Variants in TMEM244 observed in about 807,000 individuals in gnomAD.
TMEM244 encodes transmembrane protein 244.
Under a neutral mutation model 15.8 loss-of-function variants are expected in TMEM244, and 13 were observed. The observed-to-expected ratio is 0.82, with a 90% CI of 0.53 to 1.30. The LOEUF (loss-of-function observed/expected upper bound fraction) is 1.30. Ranked by LOEUF, TMEM244 falls within the 50% of genes most tolerant of loss-of-function variation. TMEM244 has a pLI of 0.00. For missense variants in TMEM244, 161 were observed against 144.9 expected (o/e 1.11, Z -0.57); for synonymous variants, 45 against 48.7 (o/e 0.92, Z 0.32).
Position 129,831,280 on chromosome 6 carries a change from A to G in TMEM244, c.*39T>C. 1 of 1,102,224 alleles carries G rather than the reference A, an allele frequency of 9.1e-7. No homozygotes were observed. The highest frequency in any genetic ancestry group is 1.4e-6 in the Non-Finnish European group (1 of 727,124). 68.3% of individuals were successfully genotyped at this position (1,102,224 alleles called of 1,614,324 possible). On this transcript the variant is annotated 3_prime_UTR_variant, in exon 5 of 5. Transcript: ENST00000368143. ...ATGAGAAAATAAAATATATTTCCACAGTTATTCTATTTAACATTATTTCTG... is the reference window on the plus strand; with the variant it reads ...ATGAGAAAATAAAATATATTTCCACGGTTATTCTATTTAACATTATTTCTG...
At chr6:129,842,129 A>T (rs936537016) in intron 3 of TMEM244, among the ~76,000 whole-genome samples, 3 of 152,184 alleles carry the variant, frequency 2.0e-5, no homozygotes, top group Non-Finnish European at 2.9e-5. Flanking sequence ...TCTGCTATGA[A>T]AAAACACAGC....
intron 1 of TMEM244, among the ~76,000 whole-genome samples, chr6:129,846,260 A>G (rs1776559891): frequency 6.6e-6 from 1 of 152,202 alleles, no homozygotes; most frequent in Non-Finnish European, 1.5e-5. Context: ...TTCAAATAAC[A>G]TTTTAATTTT....
intron 3 of TMEM244, among the ~76,000 whole-genome samples, chr6:129,834,445 T>C (rs946662362): frequency 1.3e-5 from 2 of 150,876 alleles, no homozygotes; most frequent in Admixed American, 1.3e-4. Flanking sequence ...AGAAAATAAG[T>C]GATATGTTCA....
At chr6:129,842,859 T>C (rs1776510875) in intron 3 of TMEM244, among the ~76,000 whole-genome samples, 1 of 151,350 alleles carries the variant, frequency 6.6e-6, no homozygotes, top group Non-Finnish European at 1.5e-5. Flanking sequence ...ATATTCAAGG[T>C]ACATAGGTGT....
chr6:129,853,038 T>G (rs1228934052), intron 1 of TMEM244, among the ~76,000 whole-genome samples: 3 of 152,176 alleles, frequency 2.0e-5, no homozygotes, highest in Non-Finnish European at 4.4e-5. Context: ...CATTGAATGT[T>G]CCTCTTCATT....
At chr6:129,846,166 C>CA (rs1281849424) in intron 1 of TMEM244, among the ~76,000 whole-genome samples, 1 of 151,962 alleles carries the variant, frequency 6.6e-6, no homozygotes, top group Non-Finnish European at 1.5e-5. Flanking sequence ...CATTTCAATC[C>CA]AAAATAAGAT....
chr6:129,857,856 A>ATATATGTACATATATATGTG (rs1357953858), intron 1 of TMEM244, among the ~76,000 whole-genome samples: 1 of 150,614 alleles, frequency 6.6e-6, no homozygotes, highest in African/African-American at 2.4e-5. Flanking sequence ...ATATATGTAT[A>ATATATGTACATATATATGTG]TATATATATC....
intron 3 of TMEM244, among the ~76,000 whole-genome samples, chr6:129,834,884 C>G (rs1265529656): frequency 6.6e-6 from 1 of 152,144 alleles, no homozygotes; most frequent in Non-Finnish European, 1.5e-5. Context: ...TGTAGGGAAA[C>G]AGAGATGCCT....
chr6:129,857,272 T>A (rs546076642), intron 1 of TMEM244, among the ~76,000 whole-genome samples: 143 of 151,910 alleles, frequency 9.4e-4, no homozygotes, highest in African/African-American at 3.2e-3. Context: ...TCTGATCTGA[T>A]TGAATGGAAT....
chr6:129,858,351 T>C (rs1380832742), intron 1 of TMEM244, among the ~76,000 whole-genome samples: 2 of 152,198 alleles, frequency 1.3e-5, no homozygotes, highest in Non-Finnish European at 1.5e-5. Context: ...CTAGTCCTTC[T>C]GTAATAGCCT....
At chr6:129,860,681 T>A in intron 1 of TMEM244, among the ~76,000 whole-genome samples, 1 of 151,850 alleles carries the variant, frequency 6.6e-6, no homozygotes, top group African/African-American at 2.4e-5. Context: ...TGCACTGAAG[T>A]AAAACACAAC....
At chr6:129,835,487 G>A (rs1166466324) in intron 3 of TMEM244, among the ~76,000 whole-genome samples, 13 of 151,980 alleles carry the variant, frequency 8.6e-5, no homozygotes, top group African/African-American at 2.7e-4. Flanking sequence ...CAGTGAGATC[G>A]ACGCAGAAGA....
intron 3 of TMEM244, among the ~76,000 whole-genome samples, chr6:129,836,537 C>T (rs993098426): frequency 1.3e-5 from 2 of 152,112 alleles, no homozygotes; most frequent in African/African-American, 4.8e-5. Context: ...CAGCTCCTCG[C>T]CAGTGAGGGA....
chr6:129,852,319 G>A (rs9654614), intron 1 of TMEM244, among the ~76,000 whole-genome samples: 2,750 of 152,144 alleles, frequency 0.018, 98 homozygotes, highest in African/African-American at 0.064. Flanking sequence ...AACATCCCTA[G>A]GGGATGTGGT....
At chr6:129,837,744 T>G (rs1290456558) in intron 3 of TMEM244, among the ~76,000 whole-genome samples, 1 of 151,702 alleles carries the variant, frequency 6.6e-6, no homozygotes, top group Non-Finnish European at 1.5e-5. Context: ...ACCAAGCAAA[T>G]GGAAAGCAAA....
chr6:129,847,507 A>G (rs1211894886), intron 1 of TMEM244, among the ~76,000 whole-genome samples: 3 of 152,280 alleles, frequency 2.0e-5, no homozygotes, highest in African/African-American at 7.2e-5. Context: ...GACCAAATTT[A>G]CAGATCTACC....
chr6:129,851,388 C>T (rs1367239090), intron 1 of TMEM244, among the ~76,000 whole-genome samples: 2 of 152,306 alleles, frequency 1.3e-5, no homozygotes, highest in Non-Finnish European at 2.9e-5. Flanking sequence ...CCTGCCTCAA[C>T]CTCCCAAGAA....
At chr6:129,837,510 C>G (rs1455301473) in intron 3 of TMEM244, among the ~76,000 whole-genome samples, 1 of 152,176 alleles carries the variant, frequency 6.6e-6, no homozygotes, top group African/African-American at 2.4e-5. Flanking sequence ...GAAGAAACTG[C>G]ATCAATTAAC....
Position 129,831,313 on chromosome 6 carries a change from G to A in TMEM244, c.*6C>T, listed in dbSNP as rs774251254. ...TATTTAACATTATTTCTGTGCATTA[G>A]AGAATCTAAACAAGCAATTTTGATA... is the stretch of plus-strand genomic sequence containing the variant. On this transcript the variant is annotated 3_prime_UTR_variant, in exon 5 of 5. Transcript: ENST00000368143. The A allele has an allele frequency of 3.1e-5, 47 of 1,497,134 alleles. No homozygotes were observed. Among genetic ancestry groups the A allele is most frequent in the Non-Finnish European group, 4.4e-5 (47 of 1,075,076 alleles). 92.7% of individuals were successfully genotyped at this position (1,497,134 alleles called of 1,614,324 possible).
Sources: gnomAD v4.1 joint callset for allele counts (sites outside exome capture counted in the v4.1 genomes callset) on GRCh38, gnomAD v4.1.1 for gene constraint, MANE v1.5 for transcripts, NCBI Gene and HGNC (gene_info 2026-07-23, HGNC 2026-07-21) for gene names.